FAM117A: variants seen among roughly 807,000 people sequenced by gnomAD.
FAM117A encodes the protein family with sequence similarity 117 member A.
FAM117A carries 21 observed loss-of-function variants against 44.1 expected under a neutral mutation model. That is an observed-to-expected ratio of 0.48 (90% CI 0.34 to 0.69). The LOEUF is 0.69. Ranked by LOEUF, FAM117A falls within the 30% of genes least tolerant of loss-of-function variation. FAM117A has a pLI of 0.01. For missense variants in FAM117A, 498 were observed against 589.9 expected, an observed-to-expected ratio of 0.84 and a Z score of 1.61; for synonymous variants, 220 against 238.3, an observed-to-expected ratio of 0.92 and a Z score of 0.71.
intron 1 of FAM117A, among the ~76,000 whole-genome samples, chr17:49,757,105 C>G (rs1332300393): frequency 2.0e-5 from 3 of 152,040 alleles, no homozygotes; most frequent in Non-Finnish European, 4.4e-5. Flanking sequence ...CAGGCCTCCC[C>G]CAGCCTCCAC....
In FAM117A at chr17:49,722,607, A is replaced by T; in HGVS notation, c.367-13T>A. 1 of 1,610,934 alleles carries T rather than the reference A, an allele frequency of 6.2e-7. No homozygotes were observed. The highest frequency in any genetic ancestry group is 1.3e-5 in the African/African-American group (1 of 74,946). Reference sequence around the variant, plus strand: ...AGGACAGGGGCGTCTGCAGGGAGAGAAACACAGTGAGACACAGCAGCTTCT... The same window carrying T: ...AGGACAGGGGCGTCTGCAGGGAGAGTAACACAGTGAGACACAGCAGCTTCT... On this transcript the variant is annotated splice_polypyrimidine_tract_variant and intron_variant, in intron 2 of 7. Coordinates refer to ENST00000240364, the MANE Select transcript of FAM117A (RefSeq NM_030802.4).
chr17:49,777,961 A>AT (rs1452099642), intron 1 of FAM117A, among the ~76,000 whole-genome samples: 1 of 152,214 alleles, frequency 6.6e-6, no homozygotes, highest in Admixed American at 6.5e-5. Flanking sequence ...GGTGAGACCA[A>AT]TGACTTATAC....
At chr17:49,767,285 G>C (rs1436708263), upstream of FAM117A, among the ~76,000 whole-genome samples, 2 of 152,204 alleles carry the variant, frequency 1.3e-5, no homozygotes, top group Non-Finnish European at 2.9e-5. Context: ...GAGATGACTT[G>C]CATTCATTAC....
In FAM117A at chr17:49,770,054, G is replaced by A. The variant is rs949371881; in HGVS notation, c.-621+18443C>T. ...TGGGAGGCCAAGGTGGGCAGATCAC[G>A]AGGTCAGGAGTTCGAGACCAGCCTG... On this transcript the variant is annotated intron_variant, in intron 1 of 7. Coordinates refer to the FAM117A transcript ENST00000513602. Among the ~76,000 whole-genome samples the A allele has an allele frequency of 4.0e-5, 6 of 151,846 alleles. No individual in the cohort carries two copies. In the East Asian group the frequency reaches 7.8e-4, roughly 20 times the overall value.
At chr17:49,712,533 G>A (rs1315391214) in intron 7 of FAM117A, among the ~76,000 whole-genome samples, 1 of 152,164 alleles carries the variant, frequency 6.6e-6, no homozygotes, top group Non-Finnish European at 1.5e-5. Flanking sequence ...TTTTGAGACA[G>A]AGTCTCACTC....
chr17:49,724,477 A>T, intron 2 of FAM117A: 1 of 456,246 alleles, frequency 2.2e-6, no homozygotes, highest in Non-Finnish European at 4.4e-6. Flanking sequence ...CTCTTCAAGT[A>T]CCTCTTTCTT....
intron 7 of FAM117A, among the ~76,000 whole-genome samples, chr17:49,712,188 T>C (rs1157360109): frequency 6.6e-6 from 1 of 152,174 alleles, no homozygotes; most frequent in Non-Finnish European, 1.5e-5. Context: ...AATGGTGTTT[T>C]TGGGGACAGA....
chr17:49,740,317 G>C (rs1017607552), intron 1 of FAM117A, among the ~76,000 whole-genome samples: 1 of 151,256 alleles, frequency 6.6e-6, no homozygotes, highest in Non-Finnish European at 1.5e-5. Flanking sequence ...GCGCGATCTC[G>C]GCGCTCATTG....
At chr17:49,762,621 C>T (rs936845242) in intron 1 of FAM117A, among the ~76,000 whole-genome samples, 4 of 152,152 alleles carry the variant, frequency 2.6e-5, no homozygotes, top group African/African-American at 4.8e-5. Flanking sequence ...AGGAGATGTG[C>T]AGTAACTAGG....
intron 7 of FAM117A, among the ~76,000 whole-genome samples, chr17:49,715,295 C>T (rs750151413): frequency 6.6e-6 from 1 of 152,172 alleles, no homozygotes; most frequent in African/African-American, 2.4e-5. Context: ...TCGGCTGCCA[C>T]CATGGGTTAT....
chr17:49,720,224 G>A (rs2073526926), intron 4 of FAM117A, 102 bp downstream of exon 4: 2 of 904,900 alleles, frequency 2.2e-6, no homozygotes, highest in East Asian at 4.9e-5. Context: ...CATGCAGTGT[G>A]GTAGGGGGCT....
At chr17:49,769,533 C>T (rs1397739577) in intron 1 of FAM117A, among the ~76,000 whole-genome samples, 2 of 151,350 alleles carry the variant, frequency 1.3e-5, no homozygotes, top group African/African-American at 4.9e-5. Context: ...CCCATCTCTA[C>T]TAAAAATACA....
At chr17:49,722,187 T>C (rs1217523438) in intron 3 of FAM117A, among the ~76,000 whole-genome samples, 1 of 152,162 alleles carries the variant, frequency 6.6e-6, no homozygotes, top group African/African-American at 2.4e-5. Flanking sequence ...CTCCCTGTCT[T>C]CCTCCAGTCT....
intron 1 of FAM117A, among the ~76,000 whole-genome samples, chr17:49,773,907 C>T (rs1465178738): frequency 6.6e-6 from 1 of 152,076 alleles, no homozygotes; most frequent in African/African-American, 2.4e-5. Context: ...GCATGCGCCA[C>T]CACGCCCAGC....
intron 2 of FAM117A, among the ~76,000 whole-genome samples, chr17:49,728,005 C>T (rs2073567821): frequency 6.6e-6 from 1 of 152,226 alleles, no homozygotes; most frequent in East Asian, 1.9e-4. Flanking sequence ...CCGGAAAAGG[C>T]TCTGAGGGTG....
chr17:49,734,091 C>T (rs940488116), intron 1 of FAM117A, among the ~76,000 whole-genome samples: 3 of 147,386 alleles, frequency 2.0e-5, no homozygotes, highest in Non-Finnish European at 4.5e-5. Flanking sequence ...TGCAGTGAGT[C>T]GAGATCACGC....
intron 1 of FAM117A, among the ~76,000 whole-genome samples, chr17:49,736,140 ATTGTT>A (rs1346991341): frequency 6.6e-6 from 1 of 152,118 alleles, no homozygotes; most frequent in African/African-American, 2.4e-5. Context: ...TACTGTACGT[ATTGTT>A]TTGTTATGTT....
chr17:49,762,873 T>C (rs1038959538), intron 1 of FAM117A, among the ~76,000 whole-genome samples: 2 of 152,190 alleles, frequency 1.3e-5, no homozygotes, highest in African/African-American at 4.8e-5. Flanking sequence ...TCCTCACAGA[T>C]TTGAGTATCA....
chr17:49,759,354 C>T (rs1022753442), intron 1 of FAM117A, among the ~76,000 whole-genome samples: 2 of 152,176 alleles, frequency 1.3e-5, no homozygotes, highest in African/African-American at 2.4e-5. Context: ...GAGCCAGATG[C>T]TTCAGCAGTG....
Sources: allele counts gnomAD v4.1 joint callset (sites outside exome capture counted in the v4.1 genomes callset), GRCh38; gene constraint gnomAD v4.1.1; transcripts MANE v1.5; gene names NCBI Gene and HGNC (gene_info 2026-07-23, HGNC 2026-07-21).